MTUS2: variants seen among roughly 807,000 people sequenced by gnomAD.
The protein encoded by MTUS2 is microtubule associated scaffold protein 2, also known as microtubule-associated tumor suppressor candidate 2.
A neutral mutation model predicts 114.1 loss-of-function variants in MTUS2; 40 were observed. That is an observed-to-expected ratio of 0.35 (90% confidence interval 0.27 to 0.46). MTUS2 has a LOEUF of 0.46. Among genes scored for constraint, MTUS2 ranks in the 20% least tolerant of loss-of-function variants. The pLI, the probability that MTUS2 is intolerant of heterozygous loss-of-function variation, is 1.00. For missense variants in MTUS2, 1,679 were observed against 1,705.4 expected (o/e 0.98, Z 0.27); for synonymous variants, 688 against 672.0 (o/e 1.02, Z -0.37).
chr13:28,938,074 A>G lies in MTUS2; in HGVS notation c.-242-86383A>G, dbSNP rs184354123. ...TATAACAAAGTGTAATTTATTGTTA[A>G]ACATCGCTGACTTTATTAAAAATGT... On this transcript the variant is annotated intron_variant, in intron 2 of 15. Coordinates refer to ENST00000612955, the MANE Select transcript of MTUS2 (RefSeq NM_001033602.4). 3.3e-5 allele frequency among the ~76,000 whole-genome samples: 5 copies of G among 152,310 alleles called. No homozygotes were observed. In the East Asian group the frequency reaches 9.7e-4, roughly 29 times the overall value.
intron 1 of MTUS2, among the ~76,000 whole-genome samples, chr13:28,838,810 T>C (rs955888345): frequency 6.6e-6 from 1 of 152,328 alleles, no homozygotes; most frequent in South Asian, 2.1e-4. Context: ...ATTGAAAAGA[T>C]ACACATAAGC....
chr13:29,032,364 A>C (rs1886867469), intron 3 of MTUS2, among the ~76,000 whole-genome samples: 3 of 152,202 alleles, frequency 2.0e-5, no homozygotes, highest in African/African-American at 7.2e-5. Flanking sequence ...AGCATATTGC[A>C]ATCCTAAAAC....
chr13:29,116,829 A>C (rs1304011702), intron 5 of MTUS2, among the ~76,000 whole-genome samples: 1 of 152,312 alleles, frequency 6.6e-6, no homozygotes. Flanking sequence ...ACAATGAAGC[A>C]TGAGATTTCA....
chr13:28,904,439 A>G (rs199933617), intron 2 of MTUS2, among the ~76,000 whole-genome samples: 19,375 of 152,126 alleles, frequency 0.13, 1,483 homozygotes, highest in African/African-American at 0.2. Flanking sequence ...TATAAGGTGT[A>G]AGGAAGGGAT....
chr13:28,862,126 T>A (rs1275681750), intron 2 of MTUS2, among the ~76,000 whole-genome samples: 2 of 152,160 alleles, frequency 1.3e-5, no homozygotes, highest in African/African-American at 4.8e-5. Flanking sequence ...ATAGAAAATG[T>A]GTGCATGACA....
rs952772539 is a variant in MTUS2 at position 28,942,989 on chromosome 13, T to C, written c.-242-81468T>C. On this transcript the variant is annotated intron_variant, in intron 2 of 15. Transcript: ENST00000612955. ...ACGATATATTAATACTAAGAAAAAA[T>C]GTGAGTTAGAAGGTTACCATATCCT... 2.7e-4 allele frequency among the ~76,000 whole-genome samples: 41 copies of C among 152,240 alleles called. 1 individual carries two copies. Among genetic ancestry groups the C allele is most frequent in the African/African-American group, 9.1e-4 (38 of 41,542 alleles).
At chr13:29,424,480 G>A (rs1187112387) in intron 8 of MTUS2, among the ~76,000 whole-genome samples, 2 of 152,094 alleles carry the variant, frequency 1.3e-5, no homozygotes, top group Admixed American at 6.6e-5. Context: ...TGAAATAATT[G>A]ATTCAGGTAA....
At chr13:29,250,134 A>G (rs1394527349) in intron 5 of MTUS2, among the ~76,000 whole-genome samples, 1 of 152,226 alleles carries the variant, frequency 6.6e-6, no homozygotes, top group Admixed American at 6.5e-5. Context: ...TAATAAAATA[A>G]AATAAAATGG....
At chr13:28,876,475 C>G (rs1439556004) in intron 2 of MTUS2, among the ~76,000 whole-genome samples, 1 of 152,180 alleles carries the variant, frequency 6.6e-6, no homozygotes, top group African/African-American at 2.4e-5. Context: ...TCTCCACATC[C>G]CCAAGCCATC....
intron 5 of MTUS2, among the ~76,000 whole-genome samples, chr13:29,247,231 G>C (rs940374384): frequency 1.3e-5 from 2 of 152,158 alleles, no homozygotes; most frequent in African/African-American, 4.8e-5. Context: ...AATGAAACGG[G>C]ATTCTCATCT....
At chr13:28,975,195 A>G (rs973736046) in intron 2 of MTUS2, among the ~76,000 whole-genome samples, 14 of 152,344 alleles carry the variant, frequency 9.2e-5, no homozygotes, top group African/African-American at 3.4e-4. Context: ...TGGAGTGGGT[A>G]GGAATTTGAT....
At chr13:29,467,340 A>G (rs1879960670) in intron 9 of MTUS2, among the ~76,000 whole-genome samples, 1 of 152,254 alleles carries the variant, frequency 6.6e-6, no homozygotes, top group Non-Finnish European at 1.5e-5. Flanking sequence ...TTGAGATAAA[A>G]TTAAAAATCA....
chr13:29,059,574 C>T (rs1034102147), intron 4 of MTUS2, among the ~76,000 whole-genome samples: 1 of 152,028 alleles, frequency 6.6e-6, no homozygotes, highest in Non-Finnish European at 1.5e-5. Flanking sequence ...CTGTGAGAGG[C>T]GAGGGTGGGT....
intron 4 of MTUS2, among the ~76,000 whole-genome samples, chr13:29,083,704 T>C (rs1593457669): frequency 6.6e-6 from 1 of 152,286 alleles, no homozygotes; most frequent in Middle Eastern, 3.4e-3. Context: ...AATGGAGGCA[T>C]GTGATGGATT....
At chr13:29,007,167 T>G (rs74045517) in intron 2 of MTUS2, among the ~76,000 whole-genome samples, 2,619 of 152,326 alleles carry the variant, frequency 0.017, 72 homozygotes, top group African/African-American at 0.059. Context: ...AATCCTTCAT[T>G]AAAATTATCT....
chr13:29,031,712 T>C (rs1329710101), intron 3 of MTUS2, among the ~76,000 whole-genome samples: 6 of 151,888 alleles, frequency 4.0e-5, no homozygotes, highest in Admixed American at 1.3e-4. Flanking sequence ...AGAAATACTT[T>C]CATGGCAGCA....
intron 9 of MTUS2, among the ~76,000 whole-genome samples, chr13:29,451,840 C>G (rs935004058): frequency 6.6e-6 from 1 of 152,156 alleles, no homozygotes; most frequent in Non-Finnish European, 1.5e-5. Flanking sequence ...CCACCCGCCT[C>G]AGCCTCCCAA....
rs143933326 is a variant in MTUS2 at position 29,112,534 on chromosome 13, G to C, written c.2644+11564G>C. ...GTAAAGGTGGAGAGTGTCTACTACT[G>C]TTGAGAAGTTTGGTGAGGAAAAGGG... On this transcript the variant is annotated intron_variant, in intron 5 of 15. Transcript: ENST00000612955. 1.0e-3 allele frequency among the ~76,000 whole-genome samples: 155 copies of C among 152,302 alleles called. No homozygotes were observed. The East Asian group carries it at 0.024, about 23-fold the overall frequency.
At chr13:28,929,595 G>A (rs1320674398) in intron 2 of MTUS2, among the ~76,000 whole-genome samples, 2 of 152,132 alleles carry the variant, frequency 1.3e-5, no homozygotes, top group East Asian at 1.9e-4. Context: ...CTTGAGCACC[G>A]CTATGAAGGG....
Sources: allele counts gnomAD v4.1 joint callset (sites outside exome capture counted in the v4.1 genomes callset), GRCh38; gene constraint gnomAD v4.1.1; transcripts MANE v1.5; gene names NCBI Gene and HGNC (gene_info 2026-07-23, HGNC 2026-07-21).